Variants in PLXNB3 observed in about 807,000 individuals in gnomAD.
PLXNB3 encodes plexin-B3.
In PLXNB3, 80 loss-of-function variants were observed where a neutral mutation model predicts 125.7. The observed-to-expected ratio is 0.64, with a 90% CI of 0.53 to 0.77. The LOEUF is 0.77. Ranked by LOEUF, PLXNB3 falls within the 30% of genes least tolerant of loss-of-function variation. The probability of loss-of-function intolerance (pLI) is 0.00; values close to 1 mark genes in which losing one functional copy is unlikely to be tolerated. For missense variants in PLXNB3, 1,836 were observed against 1,729.3 expected, an observed-to-expected ratio of 1.06 and a Z score of -1.09; for synonymous variants, 954 against 783.3, an observed-to-expected ratio of 1.22 and a Z score of -3.64.
Position 153,771,545 on chromosome X carries a change from A to C in PLXNB3, c.2407A>C (p.Arg803=), listed in dbSNP as rs2091930131. Residue 803 remains arginine (R), a synonymous_variant, in exon 14 of 36, where the codon AGG becomes CGG. Transcript: ENST00000361971. Reference sequence around the variant, plus strand: ...CTGCAGCCACTGCCAAGCGGCCAACAGGAGCCTGGGCTGCCTGTGGTGTGC... The same window carrying C: ...CTGCAGCCACTGCCAAGCGGCCAACCGGAGCCTGGGCTGCCTGTGGTGTGC... The part of the protein sequence containing the change: ...PDCSHCQAAN[R]SLGCLWCADG... 1 of 1,207,353 alleles carries C rather than the reference A, an allele frequency of 8.3e-7. No homozygotes were observed. Among genetic ancestry groups the C allele is most frequent in the Admixed American group, 2.2e-5 (1 of 45,825 alleles).
intron 2 of PLXNB3, chrX:153,766,296 C>T: frequency 2.6e-6 from 3 of 1,164,276 alleles, no homozygotes; most frequent in Non-Finnish European, 3.4e-6. Context: ...CGGAGGGTTC[C>T]TCCTTGCAGC....
chrX:153,770,363 G>C lies in PLXNB3; in HGVS notation c.1812G>C (p.Leu604=), dbSNP rs1479532328. 1.7e-6 allele frequency: 2 copies of C among 1,209,253 alleles called. No individual in the cohort carries two copies. Among genetic ancestry groups the C allele is most frequent in the African/African-American group, 3.5e-5 (2 of 57,396 alleles). The change falls in exon 9 of 36, where the codon CTG becomes CTC. Residue 604 remains leucine, a synonymous_variant. Coordinates refer to ENST00000361971, the MANE Select transcript of PLXNB3 (RefSeq NM_005393.3). ...ACCACGTCACTGTGCCCCTGGCCCT[G>C]ATGTTCGAGGACGTGACTGTGGCTG... The part of the protein sequence containing the change: ...GTDHVTVPLA[L]MFEDVTVAAT...
In PLXNB3 at chrX:153,770,733, G is replaced by T. The variant is rs781810836; in HGVS notation, c.2011-25G>T. The T allele has an allele frequency of 2.5e-6, 3 of 1,202,796 alleles. No homozygotes were observed. In the East Asian group the frequency reaches 8.9e-5, roughly 36 times the overall value. On this transcript the variant is annotated intron_variant, in intron 10 of 35. Transcript: ENST00000361971. ...AGCAGTAGGCCCTTTGAGTTCTGAA[G>T]GGCTGAGGGCTCTTGTTTTCCCAGG...
chrX:153,778,490 G>A lies in PLXNB3; in HGVS notation c.5550+19G>A. 2 of 1,202,515 alleles carry A rather than the reference G, an allele frequency of 1.7e-6. No individual in the cohort carries two copies. The highest frequency in any genetic ancestry group is 2.3e-6 in the Non-Finnish European group (2 of 888,179). ...CTCCGGGGTGAGGCATGGCCCGGGG[G>A]GTGCGCCTGTCCACACGTGGGTGGA... On this transcript the variant is annotated intron_variant, in intron 34 of 35. Transcript: ENST00000361971.
At chrX:153,777,114 C>A in intron 29 of PLXNB3, 94 bp from the exon 30 acceptor site, 3 of 1,034,327 alleles carry the variant, frequency 2.9e-6, no homozygotes, top group East Asian at 6.7e-5. Context: ...TTCTTCCAGT[C>A]CCCACACTGC....
Position 153,773,411 on chromosome X carries a change from G to T in PLXNB3, c.3083+5G>T. 8.3e-7 allele frequency: 1 copy of T among 1,197,984 alleles called. No homozygotes were observed. Among genetic ancestry groups the T allele is most frequent in the Non-Finnish European group, 1.1e-6 (1 of 887,999 alleles). On this transcript the variant is annotated splice_donor_5th_base_variant and intron_variant, in intron 18 of 35. Transcript: ENST00000361971. ...GCCCAGTGCCAGCTTCCGGGGGTGA[G>T]GGTCAGCCCGCAGGCCAGCCTGTGC...
rs782272752 is a variant in PLXNB3 at position 153,773,391 on chromosome X, G to C, written c.3068G>C (p.Ser1023Thr). Residue 1023 changes from serine (S) to threonine (T), a missense_variant, in exon 18 of 36, where the codon AGT (serine) becomes ACT (threonine). Physicochemically the swap from Ser to Thr is moderately conservative, Grantham distance 58. Transcript: ENST00000361971. The part of the protein sequence containing the change: ...ANPQLVAAEP[S>T]ASFRGGGRLI... ...CCCCAGCTTGTAGCGGCGGAGCCCA[G>C]TGCCAGCTTCCGGGGGTGAGGGTCA... 41 of 1,202,725 alleles carry C rather than the reference G, an allele frequency of 3.4e-5. No homozygotes were observed. The highest frequency in any genetic ancestry group is 2.3e-4 in the Middle Eastern group (1 of 4,288).
chrX:153,766,082 G>A (rs1219557174), intron 2 of PLXNB3: 2 of 1,060,917 alleles, frequency 1.9e-6, no homozygotes, highest in South Asian at 2.7e-5. Context: ...CAAACTGCTG[G>A]GGCCCATGGG....
Position 153,770,388 on chromosome X carries a change from G to C in PLXNB3, c.1837G>C (p.Ala613Pro). The change falls in exon 9 of 36, where the codon GCC becomes CCC. Residue 613 changes from alanine (A) to proline (P), a missense_variant. Coordinates refer to ENST00000361971, the MANE Select transcript of PLXNB3 (RefSeq NM_005393.3). ...ALMFEDVTVA[A>P]TNFSFYDCSA... is the part of the protein sequence containing the mutation. ...GATGTTCGAGGACGTGACTGTGGCT[G>C]CCACCAACTTCTCCTTTTATGACTG... is the stretch of plus-strand genomic sequence containing the variant. The C allele has an allele frequency of 8.3e-7, 1 of 1,211,070 alleles. No individual in the cohort carries two copies. Among genetic ancestry groups the C allele is most frequent in the Non-Finnish European group, 1.1e-6 (1 of 895,233 alleles).
intron 1 of PLXNB3, 125 bp from the exon 2 acceptor site, chrX:153,765,346 T>C (rs2091845505): frequency 1.0e-5 from 5 of 500,277 alleles, no homozygotes; most frequent in Admixed American, 3.4e-5. Context: ...CTGGCCACTA[T>C]TGACAAAGCT....
chrX:153,778,659 C>T lies in PLXNB3; in HGVS notation c.5610C>T (p.His1870=), dbSNP rs1328029609. Residue 1870 remains histidine, a synonymous_variant, in exon 35 of 36, where the codon CAC becomes CAT. Coordinates refer to ENST00000361971, the MANE Select transcript of PLXNB3 (RefSeq NM_005393.3). ...TGCAAGAACTCTACAACCACATCCA[C>T]AGGTACTATGATCAGGTGAGGCCCA... The part of the protein sequence containing the change: ...EALQELYNHI[H]RYYDQIISAL... 2 of 1,202,420 alleles carry T rather than the reference C, an allele frequency of 1.7e-6. No homozygotes were observed. The highest frequency in any genetic ancestry group is 2.2e-6 in the Non-Finnish European group (2 of 890,062).
In PLXNB3 at chrX:153,767,393, C is replaced by A; in HGVS notation, c.566C>A (p.Ala189Asp). Residue 189 changes from alanine to aspartate, a missense_variant, in exon 3 of 36, where the codon GCC becomes GAC. Coordinates refer to ENST00000361971, the MANE Select transcript of PLXNB3 (RefSeq NM_005393.3). ...PLPGRDLLLV[A>D]RGLAGKLSAG... Reference sequence around the variant, plus strand: ...CCCGGCCGGGACCTCCTGCTTGTGGCCAGAGGCCTGGCGGGCAAGCTGTCG... The same window carrying A: ...CCCGGCCGGGACCTCCTGCTTGTGGACAGAGGCCTGGCGGGCAAGCTGTCG... 1 of 1,187,793 alleles carries A rather than the reference C, an allele frequency of 8.4e-7. No individual in the cohort carries two copies. The highest frequency in any genetic ancestry group is 1.1e-6 in the Non-Finnish European group (1 of 882,878).
In PLXNB3 at chrX:153,770,813, G is replaced by A. The variant is rs782738493; in HGVS notation, c.2066G>A (p.Gly689Asp). Residue 689 changes from glycine to aspartate, a missense_variant, in exon 11 of 36, where the codon GGT becomes GAT. Gly to Asp is a moderately conservative substitution (Grantham distance 94). Coordinates refer to ENST00000361971, the MANE Select transcript of PLXNB3 (RefSeq NM_005393.3). ...TGCCCACAGGTCGAAGGCCTGGCAG[G>A]TCCCCACCTGGTGCCTGTGGGCTGG... ...GACPQVEGLA[G>D]PHLVPVGWES... 1.7e-6 allele frequency: 2 copies of A among 1,209,113 alleles called. No individual in the cohort carries two copies. Among genetic ancestry groups the A allele is most frequent in the African/African-American group, 1.7e-5 (1 of 58,011 alleles).
In PLXNB3 at chrX:153,774,157, A is replaced by G. The variant is rs782362263; in HGVS notation, c.3520-29A>G. 8.3e-6 allele frequency: 10 copies of G among 1,202,318 alleles called. No homozygotes were observed. The South Asian group carries it at 1.2e-4, about 15-fold the overall frequency. ...TGCTCAGGCCGCCTCTGTGGGGGCC[A>G]GCGGCTTAGGCTCCCATGTGTGTCC... On this transcript the variant is annotated intron_variant, in intron 20 of 35. Transcript: ENST00000361971.
chrX:153,778,500 T>A, intron 34 of PLXNB3, 29 bp downstream of exon 34: 1 of 1,198,957 alleles, frequency 8.3e-7, no homozygotes, highest in Non-Finnish European at 1.1e-6. Context: ...GGTGCGCCTG[T>A]CCACACGTGG....
chrX:153,777,551 C>T lies in PLXNB3; in HGVS notation c.5124C>T (p.Asp1708=), dbSNP rs781894023. The T allele has an allele frequency of 7.4e-6, 9 of 1,211,702 alleles. No homozygotes were observed. The highest frequency in any genetic ancestry group is 4.3e-5 in the Admixed American group (2 of 46,169). Residue 1708 remains aspartate (D), a synonymous_variant, in exon 31 of 36, where the codon GAC becomes GAT. Transcript: ENST00000361971. The part of the protein sequence containing the change: ...SMKGTLQKFV[D]DTFQAILSVN... ...AGGGCACGCTGCAGAAGTTTGTGGA[C>T]GACACCTTCCAGGCCATTCTCAGCG...
intron 1 of PLXNB3, among the ~76,000 whole-genome samples, chrX:153,764,548 G>C (rs782037805): frequency 9.0e-4 from 102 of 112,926 alleles, no homozygotes; most frequent in African/African-American, 3.2e-3. Flanking sequence ...GCCAGCCTCG[G>C]GCAGGGTACA....
At position 153,774,930 on chromosome X, in the gene PLXNB3, A is replaced by G; in HGVS notation, c.3982A>G (p.Ile1328Val). ...CAGCAGCGACCTGGAGGGCAGCGGG[A>G]TCCCCTTCCTGGACTACCGCACCTA... is the stretch of plus-strand genomic sequence containing the variant. Reference protein sequence around the residue: ...DLSSDLEGSGIPFLDYRTYAE... With the variant: ...DLSSDLEGSGVPFLDYRTYAE... The change falls in exon 24 of 36, where the codon ATC becomes GTC. Residue 1328 changes from isoleucine to valine, a missense_variant. Physicochemically the swap from Ile to Val is conservative, Grantham distance 29. Coordinates refer to ENST00000361971, the MANE Select transcript of PLXNB3 (RefSeq NM_005393.3). 8.4e-7 allele frequency: 1 copy of G among 1,190,556 alleles called. No homozygotes were observed. Among genetic ancestry groups the G allele is most frequent in the South Asian group, 1.9e-5 (1 of 54,032 alleles).
In PLXNB3 at chrX:153,772,228, G is replaced by A. The variant is rs201702238; in HGVS notation, c.2716G>A (p.Val906Ile). The A allele has an allele frequency of 4.4e-5, 53 of 1,203,989 alleles. No homozygotes were observed. Among genetic ancestry groups the A allele is most frequent in the South Asian group, 8.9e-5 (5 of 56,371 alleles). The part of the protein sequence containing the change: ...SPAPNGTTGP[V>I]RVAIKSQPPG... ...TGCCCCCAATGGCACCACTGGGCCC[G>A]TCCGGGTGGCCATTAAGAGCCAGCC... is the stretch of plus-strand genomic sequence containing the variant. Residue 906 changes from valine to isoleucine, a missense_variant, in exon 16 of 36, where the codon GTC becomes ATC. Coordinates refer to ENST00000361971, the MANE Select transcript of PLXNB3 (RefSeq NM_005393.3).
Sources: allele counts gnomAD v4.1 joint callset (sites outside exome capture counted in the v4.1 genomes callset), GRCh38; gene constraint gnomAD v4.1.1; transcripts MANE v1.5; gene names NCBI Gene and HGNC (gene_info 2026-07-23, HGNC 2026-07-21).